SGCZ: variants seen among roughly 807,000 people sequenced by gnomAD.
SGCZ encodes zeta-sarcoglycan.
SGCZ carries 40 observed loss-of-function variants against 41.3 expected under a neutral mutation model. That is an observed-to-expected ratio of 0.97 (90% CI 0.75 to 1.26). The LOEUF (loss-of-function observed/expected upper bound fraction) is 1.26, where lower values mean the gene tolerates loss of function less well. Ranked by LOEUF, SGCZ falls within the 50% of genes most tolerant of loss-of-function variation. The pLI is 0.00. For synonymous variants in SGCZ, 206 were observed against 137.5 expected, an observed-to-expected ratio of 1.50 and a Z score of -3.49; for missense variants, 552 against 369.8, an observed-to-expected ratio of 1.49 and a Z score of -4.04.
chr8:14,829,056 G>A (rs187342291), intron 1 of SGCZ, among the ~76,000 whole-genome samples: 1 of 152,126 alleles, frequency 6.6e-6, no homozygotes, highest in East Asian at 1.9e-4. Context: ...GGGTACATGT[G>A]TCCCTGAAAC....
At chr8:14,096,499 C>A (rs560130864) in intron 7 of SGCZ, among the ~76,000 whole-genome samples, 2 of 152,098 alleles carry the variant, frequency 1.3e-5, no homozygotes, top group Non-Finnish European at 2.9e-5. Context: ...CTGCTGGATT[C>A]GGTTTGCCAG....
intron 2 of SGCZ, among the ~76,000 whole-genome samples, chr8:14,444,013 A>T (rs966085527): frequency 2.0e-5 from 3 of 152,198 alleles, no homozygotes; most frequent in African/African-American, 7.2e-5. Context: ...ATATGAACAG[A>T]CGCTTCTCAA....
At chr8:14,982,642 A>T (rs1047571749) in intron 1 of SGCZ, among the ~76,000 whole-genome samples, 1 of 152,212 alleles carries the variant, frequency 6.6e-6, no homozygotes, top group African/African-American at 2.4e-5. Flanking sequence ...AAATGAACTA[A>T]ATCGATCTAG....
At chr8:14,939,792 C>G (rs2130818439) in intron 1 of SGCZ, among the ~76,000 whole-genome samples, 1 of 152,224 alleles carries the variant, frequency 6.6e-6, no homozygotes, top group East Asian at 1.9e-4. Context: ...TCTACAATTT[C>G]CACTCACACA....
rs376045109 is a variant in SGCZ, at chr8:14,835,760, T to G, written c.40-280834A>C. ...GCGGGCTGTGTGAATGTATTTACAT[T>G]CCTGAGGCCAAAAGCCACTGATTCT... On this transcript the variant is annotated intron_variant, in intron 1 of 7. Transcript: ENST00000382080. Among the ~76,000 whole-genome samples the G allele has an allele frequency of 9.2e-5, 14 of 152,312 alleles. No individual in the cohort carries two copies. In the East Asian group the frequency reaches 1.7e-3, roughly 19 times the overall value.
chr8:14,913,748 G>A (rs1171600391), intron 1 of SGCZ, among the ~76,000 whole-genome samples: 1 of 151,796 alleles, frequency 6.6e-6, no homozygotes, highest in African/African-American at 2.4e-5. Context: ...TATAAAAACA[G>A]GTTTTGGAAA....
At chr8:14,250,548 G>A (rs1349204560) in intron 3 of SGCZ, among the ~76,000 whole-genome samples, 1 of 152,138 alleles carries the variant, frequency 6.6e-6, no homozygotes, top group East Asian at 1.9e-4. Flanking sequence ...CTCCCCACCT[G>A]AGGTCCTAGA....
At chr8:14,997,751 G>A (rs1194312800) in intron 1 of SGCZ, among the ~76,000 whole-genome samples, 3 of 152,180 alleles carry the variant, frequency 2.0e-5, no homozygotes, top group Admixed American at 1.3e-4. Context: ...CTTGAGGTCA[G>A]GAGTGAGAGA....
chr8:15,226,506 T>G (rs976210697), intron 1 of SGCZ, among the ~76,000 whole-genome samples: 2 of 152,196 alleles, frequency 1.3e-5, no homozygotes, highest in Admixed American at 6.5e-5. Flanking sequence ...AAGTTTAACT[T>G]CCAGGAGCCA....
intron 1 of SGCZ, among the ~76,000 whole-genome samples, chr8:14,709,108 C>T (rs970266500): frequency 1.3e-5 from 2 of 152,098 alleles, no homozygotes; most frequent in East Asian, 3.9e-4. Context: ...ATCCCTTTCT[C>T]CTTTTTTGTG....
intron 1 of SGCZ, among the ~76,000 whole-genome samples, chr8:14,624,215 G>C (rs929208670): frequency 2.6e-5 from 4 of 152,058 alleles, no homozygotes; most frequent in Non-Finnish European, 5.9e-5. Context: ...TATCATATAA[G>C]ATTTAACAAA....
intron 1 of SGCZ, among the ~76,000 whole-genome samples, chr8:14,862,742 C>A (rs556587974): frequency 6.6e-6 from 1 of 151,474 alleles, no homozygotes; most frequent in Non-Finnish European, 1.5e-5. Context: ...TTCAAAGAGG[C>A]CTTTCTCACA....
chr8:14,746,253 T>G (rs980728606), intron 1 of SGCZ, among the ~76,000 whole-genome samples: 1 of 152,118 alleles, frequency 6.6e-6, no homozygotes, highest in Non-Finnish European at 1.5e-5. Context: ...TTTTATTCCA[T>G]TTGTTCTTTA....
chr8:15,194,816 A>C (rs1238497010), intron 1 of SGCZ, among the ~76,000 whole-genome samples: 1 of 143,848 alleles, frequency 7.0e-6, no homozygotes, highest in Admixed American at 6.7e-5. Flanking sequence ...ATTTTAGCCA[A>C]ATGAAACTCA....
chr8:15,206,822 T>A (rs529819686), intron 1 of SGCZ, among the ~76,000 whole-genome samples: 1 of 152,206 alleles, frequency 6.6e-6, no homozygotes, highest in Non-Finnish European at 1.5e-5. Context: ...TCGTTCATAA[T>A]GGCATAATTC....
At chr8:14,390,994 A>G (rs1401286094) in intron 2 of SGCZ, among the ~76,000 whole-genome samples, 2 of 152,134 alleles carry the variant, frequency 1.3e-5, no homozygotes, top group African/African-American at 2.4e-5. Flanking sequence ...CATAGCAAAT[A>G]AAATAAACTT....
intron 3 of SGCZ, among the ~76,000 whole-genome samples, chr8:14,246,648 C>T (rs1409857091): frequency 1.3e-5 from 2 of 151,484 alleles, no homozygotes; most frequent in Non-Finnish European, 2.9e-5. Flanking sequence ...CGGCTGAAGC[C>T]TGTAATCCCA....
At chr8:14,463,518 A>G (rs1412711038) in intron 2 of SGCZ, among the ~76,000 whole-genome samples, 4 of 151,582 alleles carry the variant, frequency 2.6e-5, no homozygotes, top group Non-Finnish European at 4.4e-5. Context: ...CCAAATATGA[A>G]ATCTAAAACT....
At chr8:15,196,056 C>T (rs1585662784) in intron 1 of SGCZ, among the ~76,000 whole-genome samples, 2 of 147,270 alleles carry the variant, frequency 1.4e-5, no homozygotes, top group Non-Finnish European at 3.0e-5. Context: ...CGCTACCACG[C>T]CCGGCTAATT....
Sources: gnomAD v4.1 joint callset for allele counts (sites outside exome capture counted in the v4.1 genomes callset) on GRCh38, gnomAD v4.1.1 for gene constraint, MANE v1.5 for transcripts, NCBI Gene and HGNC (gene_info 2026-07-23, HGNC 2026-07-21) for gene names.